Variants in MED12L observed in about 807,000 individuals in gnomAD.
The protein encoded by MED12L is mediator of RNA polymerase II transcription subunit 12-like protein.
In MED12L, 60 loss-of-function variants were observed where a neutral mutation model predicts 281.3. That is an observed-to-expected ratio of 0.21 (90% confidence interval 0.17 to 0.26). The LOEUF (loss-of-function observed/expected upper bound fraction) is 0.26, where lower values mean the gene tolerates loss of function less well. Ranked by LOEUF, MED12L falls within the 10% of genes least tolerant of loss-of-function variation. The pLI is 1.00. For synonymous variants in MED12L, 974 were observed against 987.2 expected (o/e 0.99, Z 0.25); for missense variants, 2,146 against 2,680.9 (o/e 0.80, Z 4.41).
Position 151,380,128 on chromosome 3 carries a change from TCAA to T in MED12L, c.4499_4501del (p.Gln1500del), listed in dbSNP as rs1711991766. The T allele has an allele frequency of 6.3e-7, 1 of 1,598,342 alleles. No homozygotes were observed. The highest frequency in any genetic ancestry group is 1.4e-5 in the African/African-American group (1 of 73,794). On this transcript the variant is annotated inframe_deletion, in exon 32 of 45. Coordinates refer to ENST00000687756, the MANE Select transcript of MED12L (RefSeq NM_001393769.1). Reference sequence around the variant, plus strand: ...TCCTTTGTAGTATGTCTCTTTTGAGTCAACAACCCTTCCTCTCACTGGTACTTA... The same window carrying T: ...TCCTTTGTAGTATGTCTCTTTTGAGTCAACCCTTCCTCTCACTGGTACTTA...
At chr3:151,241,349 G>A (rs547946253) in intron 16 of MED12L, among the ~76,000 whole-genome samples, 59 of 152,292 alleles carry the variant, frequency 3.9e-4, no homozygotes, top group African/African-American at 1.4e-3. Flanking sequence ...CAAAAGGCAA[G>A]TAAGCCTAGA....
Position 151,436,635 on chromosome 3 carries a change from A to T in MED12L, c.*3831A>T, listed in dbSNP as rs988656236. On this transcript the variant is annotated 3_prime_UTR_variant, in exon 45 of 45. Transcript: ENST00000687756. ...CATGCCTATGGCTGCCTTTGATTAA[A>T]CTTCTTCCAAAAAATAAATTCTGCC... is the stretch of plus-strand genomic sequence containing the variant. 9.1e-6 allele frequency: 12 copies of T among 1,318,964 alleles called. No homozygotes were observed. The highest frequency in any genetic ancestry group is 1.5e-5 in the African/African-American group (1 of 67,856). The allele number at this position is 1,318,964 out of a possible 1,614,324, so 81.7% of individuals were successfully genotyped here. A position where few individuals can be genotyped will look rare whatever the true frequency, so the allele number is the denominator to read the frequency against.
chr3:151,185,285 A>T (rs374277307), intron 11 of MED12L, 45 bp from the exon 12 acceptor site: 2 of 1,588,126 alleles, frequency 1.3e-6, no homozygotes, highest in African/African-American at 2.7e-5. Context: ...TGCTGGGTGA[A>T]TGTTTCATTT....
chr3:151,185,452 T>G lies in MED12L; in HGVS notation c.1617T>G (p.Ile539Met). 6.2e-7 allele frequency: 1 copy of G among 1,613,874 alleles called. No individual in the cohort carries two copies. Among genetic ancestry groups the G allele is most frequent in the Non-Finnish European group, 8.5e-7 (1 of 1,179,932 alleles). The change falls in exon 12 of 45, where the codon ATT becomes ATG. Residue 539 changes from isoleucine to methionine, a missense_variant. By Grantham distance (10) the Ile-to-Met change is conservative. Transcript: ENST00000687756. ...TCCTGGAGAAGAGGCAAGCAGAAAT[T>G]GAGGCAGAGGTAGGTTCCATTTTCT... Reference protein sequence around the residue: ...AKLLEKRQAEIEAERCGESEV... With the variant: ...AKLLEKRQAEMEAERCGESEV...
intron 37 of MED12L, 74 bp downstream of exon 37, chr3:151,388,246 C>G (rs1296908410): frequency 6.7e-7 from 1 of 1,497,146 alleles, no homozygotes; most frequent in African/African-American, 1.4e-5. Context: ...CAAATCATAT[C>G]CCTCGAAACA....
At chr3:151,368,997 G>A (rs548460187) in intron 25 of MED12L, among the ~76,000 whole-genome samples, 22 of 152,038 alleles carry the variant, frequency 1.4e-4, no homozygotes, top group African/African-American at 4.3e-4. Context: ...TCCTGACCTC[G>A]TGATCCACCT....
chr3:151,287,763 G>C (rs1312376395), intron 16 of MED12L, among the ~76,000 whole-genome samples: 1 of 152,170 alleles, frequency 6.6e-6, no homozygotes, highest in Non-Finnish European at 1.5e-5. Context: ...TGTAAGATTT[G>C]ATCATTATCA....
intron 20 of MED12L, 50 bp from the exon 21 acceptor site, chr3:151,360,424 C>T: frequency 1.9e-6 from 3 of 1,551,364 alleles, no homozygotes; most frequent in Non-Finnish European, 2.6e-6. Context: ...AAATGATAAC[C>T]CACATAGTAC....
chr3:151,370,673 G>A (rs754461767), intron 26 of MED12L, among the ~76,000 whole-genome samples: 15 of 152,240 alleles, frequency 9.9e-5, no homozygotes, highest in East Asian at 1.9e-4. Flanking sequence ...TCAGTTGGTC[G>A]GTTCTACTTA....
chr3:151,328,175 T>C, intron 16 of MED12L: 1 of 1,612,980 alleles, frequency 6.2e-7, no homozygotes, highest in Non-Finnish European at 8.5e-7. Flanking sequence ...AATAAACAGT[T>C]GATTTTGCAG....
chr3:151,318,996 A>G (rs1161887672), intron 16 of MED12L, among the ~76,000 whole-genome samples: 6 of 152,176 alleles, frequency 3.9e-5, no homozygotes, highest in Admixed American at 1.3e-4. Flanking sequence ...GTAGCCTAAC[A>G]GCTGGCTTGG....
intron 39 of MED12L, among the ~76,000 whole-genome samples, chr3:151,401,820 G>T (rs1008542704): frequency 3.9e-5 from 6 of 152,064 alleles, no homozygotes; most frequent in Non-Finnish European, 5.9e-5. Flanking sequence ...TTGGTTTTTG[G>T]GTAGAAAGCA....
chr3:151,114,213 T>C (rs1560060179), intron 2 of MED12L, among the ~76,000 whole-genome samples: 3 of 152,188 alleles, frequency 2.0e-5, no homozygotes, highest in South Asian at 2.1e-4. Flanking sequence ...TTTGGAGATA[T>C]CTTCTGATAA....
At chr3:151,158,249 G>A (rs1270217037) in intron 6 of MED12L, among the ~76,000 whole-genome samples, 1 of 152,122 alleles carries the variant, frequency 6.6e-6, no homozygotes, top group African/African-American at 2.4e-5. Flanking sequence ...CTAATTTTGG[G>A]ATAGTGGAAG....
At chr3:151,192,422 C>T (rs1018644738) in intron 14 of MED12L, 128 bp from the exon 15 acceptor site, 16 of 678,476 alleles carry the variant, frequency 2.4e-5, no homozygotes, top group Non-Finnish European at 3.3e-5. Flanking sequence ...CTTCAATTTG[C>T]GGGGAAGAAA....
chr3:151,117,872 C>G (rs923900169), intron 3 of MED12L, among the ~76,000 whole-genome samples: 2 of 152,048 alleles, frequency 1.3e-5, no homozygotes, highest in African/African-American at 4.8e-5. Flanking sequence ...AGGAGGATCA[C>G]CTGAGGTCAG....
intron 16 of MED12L, among the ~76,000 whole-genome samples, chr3:151,218,866 C>CAAAAAA (rs397686351): frequency 7.0e-5 from 5 of 71,366 alleles, no homozygotes; most frequent in Non-Finnish European, 1.1e-4. Flanking sequence ...GACTCAGTCT[C>CAAAAAA]AAAAAAAAAA....
intron 5 of MED12L, among the ~76,000 whole-genome samples, chr3:151,143,218 G>A (rs1022683412): frequency 1.3e-5 from 2 of 152,136 alleles, no homozygotes; most frequent in African/African-American, 4.8e-5. Flanking sequence ...TATTTTACAC[G>A]GTCATCTGGC....
intron 5 of MED12L, among the ~76,000 whole-genome samples, chr3:151,147,100 C>T (rs963227484): frequency 6.6e-6 from 1 of 152,168 alleles, no homozygotes; most frequent in South Asian, 2.1e-4. Flanking sequence ...GGACATCAAA[C>T]ATGTACAAAT....
Sources: allele counts gnomAD v4.1 joint callset (sites outside exome capture counted in the v4.1 genomes callset), GRCh38; gene constraint gnomAD v4.1.1; transcripts MANE v1.5; gene names NCBI Gene and HGNC (gene_info 2026-07-23, HGNC 2026-07-21).